Variants in MECOM observed in about 807,000 individuals in gnomAD.
MECOM encodes histone-lysine N-methyltransferase MECOM.
MECOM carries 13 observed loss-of-function variants against 116.3 expected under a neutral mutation model. That is an observed-to-expected ratio of 0.11 (90% CI 0.07 to 0.18). The LOEUF (loss-of-function observed/expected upper bound fraction) is 0.18, where lower values mean the gene tolerates loss of function less well. Ranked by LOEUF, MECOM falls within the 10% of genes least tolerant of loss-of-function variation. The probability of loss-of-function intolerance (pLI) is 1.00; values close to 1 mark genes in which losing one functional copy is unlikely to be tolerated. For synonymous variants in MECOM, 528 were observed against 535.2 expected (o/e 0.99, Z 0.19); for missense variants, 1,299 against 1,509.0 (o/e 0.86, Z 2.31).
intron 11 of MECOM, 115 bp downstream of exon 11, chr3:169,101,945 A>G: frequency 1.0e-6 from 1 of 956,992 alleles, no homozygotes. Flanking sequence ...CTGGAGATCT[A>G]TTATGGTGGC....
In MECOM at chr3:169,477,967, T is replaced by C. The variant is rs1218842956; in HGVS notation, c.38-96443A>G. ...ATGCCTGTCGGATAGACAATTAAAG[T>C]GGCCCAGGAATGACATATCCCCTCT... On this transcript the variant is annotated intron_variant, in intron 1 of 16. Transcript: ENST00000651503. Among the ~76,000 whole-genome samples the C allele has an allele frequency of 2.0e-5, 3 of 152,180 alleles. No homozygotes were observed. The East Asian group carries it at 5.8e-4, about 29-fold the overall frequency.
intron 2 of MECOM, among the ~76,000 whole-genome samples, chr3:169,158,093 C>T (rs187322225): frequency 2.0e-5 from 3 of 152,118 alleles, no homozygotes; most frequent in East Asian, 3.9e-4. Flanking sequence ...CAAGAGCTGG[C>T]GAGGTTCAAA....
rs1455406945 is a variant in MECOM at position 169,084,724 on chromosome 3, G to A, written c.*185C>T. On this transcript the variant is annotated 3_prime_UTR_variant, in exon 17 of 17. Transcript: ENST00000651503. ...CCTTTGCTGTGCAAAACAAAATATC[G>A]AGAATAAATAGTTTCTTTTTTCTTT... 4.5e-5 allele frequency: 27 copies of A among 603,696 alleles called. No homozygotes were observed. In the Admixed American group the frequency reaches 7.9e-4, roughly 18 times the overall value. 37.4% of individuals were successfully genotyped at this position (603,696 alleles called of 1,614,324 possible).
intron 1 of MECOM, among the ~76,000 whole-genome samples, chr3:169,601,391 AG>A (rs935234558): frequency 1.3e-5 from 2 of 152,236 alleles, no homozygotes; most frequent in Non-Finnish European, 2.9e-5. Flanking sequence ...GGTTTATAAA[AG>A]AGGAAGGCAG....
intron 1 of MECOM, among the ~76,000 whole-genome samples, chr3:169,397,573 A>C (rs2108373497): frequency 6.6e-6 from 1 of 152,332 alleles, no homozygotes; most frequent in South Asian, 2.1e-4. Context: ...AACATGAAGA[A>C]CTTTCTTGAT....
At chr3:169,133,017 G>A (rs763441512) in intron 3 of MECOM, among the ~76,000 whole-genome samples, 13 of 151,616 alleles carry the variant, frequency 8.6e-5, no homozygotes, top group Admixed American at 6.6e-5. Context: ...GCCTCTCAAC[G>A]TCCTAGGATT....
chr3:169,225,134 GA>G (rs1016965760), intron 2 of MECOM, among the ~76,000 whole-genome samples: 4 of 152,110 alleles, frequency 2.6e-5, no homozygotes, highest in African/African-American at 9.7e-5. Context: ...GAGTTTTATA[GA>G]GAATATATTT....
At chr3:169,492,189 T>C (rs1254398288) in intron 1 of MECOM, among the ~76,000 whole-genome samples, 1 of 152,168 alleles carries the variant, frequency 6.6e-6, no homozygotes, top group East Asian at 1.9e-4. Flanking sequence ...AAAATAGATA[T>C]GAGGCTATTT....
At chr3:169,289,668 A>G (rs1187352729) in intron 2 of MECOM, among the ~76,000 whole-genome samples, 1 of 152,208 alleles carries the variant, frequency 6.6e-6, no homozygotes, top group East Asian at 1.9e-4. Context: ...GAGTTTGACT[A>G]AAATCAAATG....
At chr3:169,170,892 G>A (rs1744307732) in intron 2 of MECOM, among the ~76,000 whole-genome samples, 1 of 152,046 alleles carries the variant, frequency 6.6e-6, no homozygotes, top group Non-Finnish European at 1.5e-5. Flanking sequence ...TCTCAATTTT[G>A]AATTCTAAAT....
intron 2 of MECOM, among the ~76,000 whole-genome samples, chr3:169,154,421 G>GA (rs5854311): frequency 5.3e-5 from 8 of 151,142 alleles, no homozygotes; most frequent in Admixed American, 2.0e-4. Flanking sequence ...GATGTTTGTT[G>GA]AAAAAAAAAT....
chr3:169,518,522 A>G (rs1299977453), intron 1 of MECOM, among the ~76,000 whole-genome samples: 6 of 152,200 alleles, frequency 3.9e-5, no homozygotes, highest in Non-Finnish European at 7.3e-5. Flanking sequence ...ATGGCAACCC[A>G]GCTCCCATAA....
intron 2 of MECOM, among the ~76,000 whole-genome samples, chr3:169,179,213 A>T (rs1410064704): frequency 6.6e-6 from 1 of 152,138 alleles, no homozygotes; most frequent in Admixed American, 6.6e-5. Flanking sequence ...TTTATGTTTA[A>T]ACAAATTTTA....
At chr3:169,637,644 G>A (rs778019160) in intron 1 of MECOM, among the ~76,000 whole-genome samples, 66 of 152,296 alleles carry the variant, frequency 4.3e-4, no homozygotes, top group South Asian at 8.3e-4. Context: ...AAAATCTTAC[G>A]TAACTGCAAA....
At chr3:169,576,838 C>CACACACACAGAGAGAG (rs368016499) in intron 1 of MECOM, among the ~76,000 whole-genome samples, 6 of 125,012 alleles carry the variant, frequency 4.8e-5, no homozygotes, top group South Asian at 2.9e-4. Flanking sequence ...CACACACACA[C>CACACACACAGAGAGAG]AGAGAGAGAG....
intron 1 of MECOM, among the ~76,000 whole-genome samples, chr3:169,499,211 C>T (rs1754215054): frequency 6.6e-6 from 1 of 151,382 alleles, no homozygotes; most frequent in Non-Finnish European, 1.5e-5. Context: ...TAATAAAAGA[C>T]ATGAGCACTA....
intron 1 of MECOM, among the ~76,000 whole-genome samples, chr3:169,402,135 C>T (rs1214603605): frequency 6.6e-6 from 1 of 152,016 alleles, no homozygotes; most frequent in Non-Finnish European, 1.5e-5. Context: ...AAAGAGAGTC[C>T]AATAAGGGAG....
intron 1 of MECOM, among the ~76,000 whole-genome samples, chr3:169,412,939 G>T (rs1486943667): frequency 6.6e-6 from 1 of 152,146 alleles, no homozygotes; most frequent in African/African-American, 2.4e-5. Flanking sequence ...ACTTACTTTT[G>T]TGTTTTATTC....
chr3:169,104,493 T>A (rs529714978), intron 10 of MECOM, among the ~76,000 whole-genome samples: 17 of 152,258 alleles, frequency 1.1e-4, no homozygotes, highest in Non-Finnish European at 2.1e-4. Flanking sequence ...TGGGTAAGGG[T>A]CATGATCACA....
Sources: allele counts gnomAD v4.1 joint callset (sites outside exome capture counted in the v4.1 genomes callset), GRCh38; gene constraint gnomAD v4.1.1; transcripts MANE v1.5; gene names NCBI Gene and HGNC (gene_info 2026-07-23, HGNC 2026-07-21).